SOX6: variants seen among roughly 807,000 people sequenced by gnomAD.
SOX6 encodes the protein SRY-box transcription factor 6, also known as transcription factor SOX-6.
SOX6 carries 11 observed loss-of-function variants against 97.8 expected under a neutral mutation model. The ratio of observed to expected loss-of-function variants is 0.11; its 90% CI spans 0.07 to 0.19. The LOEUF is 0.19. Ranked by LOEUF, SOX6 falls within the 10% of genes least tolerant of loss-of-function variation. The pLI is 1.00. For missense variants in SOX6, 810 were observed against 1,039.5 expected (o/e 0.78, Z 3.04); for synonymous variants, 360 against 371.4 (o/e 0.97, Z 0.35).
chr11:16,333,328 T>A (rs1014999443), intron 2 of SOX6, among the ~76,000 whole-genome samples: 1 of 152,136 alleles, frequency 6.6e-6, no homozygotes, highest in Non-Finnish European at 1.5e-5. Context: ...CTATACAATA[T>A]AAACATTATT....
At chr11:16,112,132 G>A (rs2133995287) in intron 6 of SOX6, among the ~76,000 whole-genome samples, 1 of 152,198 alleles carries the variant, frequency 6.6e-6, no homozygotes, top group East Asian at 1.9e-4. Context: ...ACTTCATTGT[G>A]CATTTGCCTC....
intron 9 of SOX6, among the ~76,000 whole-genome samples, chr11:16,081,960 G>A (rs567577357): frequency 2.1e-4 from 32 of 152,244 alleles, no homozygotes; most frequent in African/African-American, 6.3e-4. Flanking sequence ...TGGAGTCATC[G>A]TCACTGGAAA....
upstream of SOX6, among the ~76,000 whole-genome samples, chr11:16,358,350 C>T (rs1178652046): frequency 6.6e-6 from 1 of 152,030 alleles, no homozygotes; most frequent in Non-Finnish European, 1.5e-5. Flanking sequence ...ATTGTTTTAC[C>T]TTAAAAATAT....
chr11:16,603,622 T>A (rs1212234971), intron 4 of SOX6, among the ~76,000 whole-genome samples: 1 of 152,052 alleles, frequency 6.6e-6, no homozygotes, highest in Non-Finnish European at 1.5e-5. Context: ...AAGCCTGGAA[T>A]GGTCTTACTG....
At chr11:16,056,392 G>T (rs926534845) in intron 9 of SOX6, among the ~76,000 whole-genome samples, 13 of 152,196 alleles carry the variant, frequency 8.5e-5, no homozygotes, top group African/African-American at 2.9e-4. Context: ...TGATCCTTCT[G>T]AATAATGAGT....
At chr11:16,019,272 T>C (rs1854979854) in intron 12 of SOX6, among the ~76,000 whole-genome samples, 1 of 152,114 alleles carries the variant, frequency 6.6e-6, no homozygotes, top group South Asian at 2.1e-4. Context: ...TACAAACAAA[T>C]ATATTTCATT....
chr11:16,386,987 G>C (rs1471788942), intron 1 of SOX6, among the ~76,000 whole-genome samples: 2 of 152,060 alleles, frequency 1.3e-5, no homozygotes, highest in Non-Finnish European at 1.5e-5. Context: ...AAAGGTAAAA[G>C]GCATTCATTA....
At chr11:16,004,860 T>A (rs574495488) in intron 13 of SOX6, among the ~76,000 whole-genome samples, 1 of 152,182 alleles carries the variant, frequency 6.6e-6, no homozygotes, top group African/African-American at 2.4e-5. Context: ...TAGCCTTGGA[T>A]AAATTGTTTT....
chr11:16,035,252 C>G (rs980157468), intron 12 of SOX6, among the ~76,000 whole-genome samples: 1 of 152,142 alleles, frequency 6.6e-6, no homozygotes, highest in Non-Finnish European at 1.5e-5. Context: ...TTATTGCAGA[C>G]AGAATATGGG....
intron 7 of SOX6, among the ~76,000 whole-genome samples, chr11:16,110,940 A>C (rs919246813): frequency 4.6e-5 from 7 of 152,220 alleles, no homozygotes; most frequent in African/African-American, 1.7e-4. Flanking sequence ...TGGTAAATAT[A>C]ATCAGGTTAA....
chr11:16,212,524 T>C (rs1256433591), intron 4 of SOX6, among the ~76,000 whole-genome samples: 2 of 152,178 alleles, frequency 1.3e-5, no homozygotes, highest in African/African-American at 4.8e-5. Flanking sequence ...CTTCTTTATT[T>C]TGACTGCTAT....
At chr11:16,419,756 C>T (rs1212937373) in intron 1 of SOX6, among the ~76,000 whole-genome samples, 1 of 151,986 alleles carries the variant, frequency 6.6e-6, no homozygotes, top group Non-Finnish European at 1.5e-5. Context: ...TATTTTAAAC[C>T]TCATTTTCAG....
At chr11:16,234,017 A>AG (rs999677761) in intron 4 of SOX6, among the ~76,000 whole-genome samples, 5 of 151,386 alleles carry the variant, frequency 3.3e-5, no homozygotes, top group African/African-American at 9.7e-5. Context: ...AAAAAAAAAA[A>AG]AAAAGAAAAG....
At chr11:16,126,993 T>C (rs1242693886) in intron 6 of SOX6, among the ~76,000 whole-genome samples, 6 of 152,150 alleles carry the variant, frequency 3.9e-5, no homozygotes, top group African/African-American at 1.4e-4. Context: ...TAGCAAGTGC[T>C]ATATCACCCC....
At chr11:16,673,246 A>C (rs1847860169) in intron 3 of SOX6, among the ~76,000 whole-genome samples, 1 of 152,230 alleles carries the variant, frequency 6.6e-6, no homozygotes, top group Non-Finnish European at 1.5e-5. Context: ...AATTAGTAGA[A>C]TAATAAAGGT....
intron 15 of SOX6, among the ~76,000 whole-genome samples, chr11:15,977,557 A>G (rs1853523832): frequency 1.3e-5 from 2 of 151,496 alleles, no homozygotes; most frequent in South Asian, 2.1e-4. Context: ...CCCAGTTCCA[A>G]TTCCATGGTT....
chr11:16,183,589 T>C (rs1851396810), intron 6 of SOX6, among the ~76,000 whole-genome samples: 1 of 151,970 alleles, frequency 6.6e-6, no homozygotes, highest in African/African-American at 2.4e-5. Context: ...CAATAAAAAA[T>C]ACCATCTGTA....
In SOX6 at chr11:16,559,875, T is replaced by G. The variant is rs192932219; in HGVS notation, n.609+52206A>C. The stretch of plus-strand genomic sequence containing the variant: ...TTCACTTTTGAACCCCTGATTTTCC[T>G]AGCATATTAATGCACTATTCAAATA... On this transcript the variant is annotated intron_variant and non_coding_transcript_variant, in intron 4 of 5. Coordinates refer to the SOX6 transcript ENST00000524520. Among the ~76,000 whole-genome samples the G allele has an allele frequency of 3.7e-3, 558 of 152,250 alleles. 6 individuals are homozygous for G. The highest frequency in any genetic ancestry group is 0.013 in the African/African-American group (524 of 41,556).
At chr11:16,202,965 C>T (rs1405583777) in intron 4 of SOX6, among the ~76,000 whole-genome samples, 3 of 152,020 alleles carry the variant, frequency 2.0e-5, no homozygotes, top group Non-Finnish European at 4.4e-5. Flanking sequence ...TTCTGCCATT[C>T]GTGGATGTTT....
Sources: gnomAD v4.1 joint callset for allele counts (sites outside exome capture counted in the v4.1 genomes callset) on GRCh38, gnomAD v4.1.1 for gene constraint, MANE v1.5 for transcripts, NCBI Gene and HGNC (gene_info 2026-07-23, HGNC 2026-07-21) for gene names.